CYLC2: variants seen among roughly 807,000 people sequenced by gnomAD.
CYLC2 encodes the protein cylicin-2.
In CYLC2, 30 loss-of-function variants were observed where a neutral mutation model predicts 26.1. The observed-to-expected ratio is 1.15, with a 90% CI of 0.86 to 1.56. CYLC2 has a LOEUF of 1.56. Ranked by LOEUF, CYLC2 falls within the 40% of genes most tolerant of loss-of-function variation. The probability of loss-of-function intolerance (pLI) is 0.00; values close to 1 mark genes in which losing one functional copy is unlikely to be tolerated. For synonymous variants in CYLC2, 158 were observed against 132.8 expected (o/e 1.19, Z -1.31); for missense variants, 498 against 394.4 (o/e 1.26, Z -2.23).
At chr9:103,000,638 GC>G (rs1829279187) in intron 1 of CYLC2, among the ~76,000 whole-genome samples, 1 of 151,936 alleles carries the variant, frequency 6.6e-6, no homozygotes, top group South Asian at 2.1e-4. Context: ...GAAAAAATGT[GC>G]CACGTTTTAT....
intron 1 of CYLC2, among the ~76,000 whole-genome samples, chr9:102,999,766 C>T (rs1286841258): frequency 6.6e-6 from 1 of 151,832 alleles, no homozygotes; most frequent in East Asian, 1.9e-4. Flanking sequence ...GGAATGATTG[C>T]ATTGGTTGAT....
rs1169334808 is a variant in CYLC2, at chr9:103,005,553, A to G, written c.922A>G (p.Thr308Ala). ...KDAKKVAKKD[T>A]EKESADSKKD... ...TGCCAAGAAAGTTGCCAAGAAAGAT[A>G]CTGAGAAAGAATCTGCTGATTCAAA... Residue 308 changes from threonine to alanine, a missense_variant, in exon 5 of 8, where the codon ACT becomes GCT. Transcript: ENST00000374798. The G allele has an allele frequency of 1.9e-6, 3 of 1,609,300 alleles. No individual in the cohort carries two copies. Among genetic ancestry groups the G allele is most frequent in the East Asian group, 4.5e-5 (2 of 44,820 alleles).
intron 1 of CYLC2, among the ~76,000 whole-genome samples, chr9:103,001,209 A>T (rs546059323): frequency 6.5e-4 from 99 of 151,876 alleles, no homozygotes; most frequent in Admixed American, 1.2e-3. Context: ...TGGAGCATGA[A>T]CTGGGAAAAA....
chr9:103,005,833 A>G lies in CYLC2; in HGVS notation c.*155A>G, dbSNP rs1829341541. The G allele has an allele frequency of 7.7e-6, 6 of 778,030 alleles. No individual in the cohort carries two copies. The East Asian group carries it at 1.0e-4, about 13-fold the overall frequency. 48.2% of individuals were successfully genotyped at this position (778,030 alleles called of 1,614,324 possible). On this transcript the variant is annotated 3_prime_UTR_variant, in exon 5 of 8. Coordinates refer to ENST00000374798, the MANE Select transcript of CYLC2 (RefSeq NM_001340.5). The stretch of plus-strand genomic sequence containing the variant: ...TAAAGAAGGATACAAAGGAGAACTC[A>G]GCAGAGATTTATAAAAATATATAAG...
chr9:103,005,776 C>T lies in CYLC2; in HGVS notation c.*98C>T, dbSNP rs1829341068. The T allele has an allele frequency of 7.8e-7, 1 of 1,273,946 alleles. No homozygotes were observed. Among genetic ancestry groups the T allele is most frequent in the African/African-American group, 1.5e-5 (1 of 66,552 alleles). The allele number at this position is 1,273,946 out of a possible 1,614,324, so 78.9% of individuals were successfully genotyped here. A position where few individuals can be genotyped will look rare whatever the true frequency, so the allele number is the denominator to read the frequency against. Reference sequence around the variant, plus strand: ...GCTGAATTTGTGAGAAAACAAGAGGCCTCAAAGAATTAAATAATTTTTAAA... The same window carrying T: ...GCTGAATTTGTGAGAAAACAAGAGGTCTCAAAGAATTAAATAATTTTTAAA... On this transcript the variant is annotated 3_prime_UTR_variant, in exon 5 of 8. Transcript: ENST00000374798.
intron 6 of CYLC2, among the ~76,000 whole-genome samples, chr9:103,013,820 A>T (rs1294169745): frequency 1.1e-5 from 1 of 95,208 alleles, no homozygotes; most frequent in Non-Finnish European, 2.0e-5. Context: ...TATGTATATA[A>T]TATGTATATA....
chr9:103,002,870 AG>A (rs1451443306), intron 2 of CYLC2, among the ~76,000 whole-genome samples: 2 of 152,200 alleles, frequency 1.3e-5, no homozygotes, highest in Non-Finnish European at 2.9e-5. Flanking sequence ...AAAAGGAAGC[AG>A]TAAAACTGAG....
chr9:103,012,565 A>G (rs1411609133), intron 6 of CYLC2, among the ~76,000 whole-genome samples: 2 of 152,022 alleles, frequency 1.3e-5, no homozygotes, highest in Non-Finnish European at 2.9e-5. Flanking sequence ...GCCTAATCTG[A>G]GCCCTAATCC....
intron 5 of CYLC2, among the ~76,000 whole-genome samples, chr9:103,010,385 TTAC>T (rs1407313343): frequency 6.6e-6 from 1 of 152,144 alleles, no homozygotes; most frequent in Non-Finnish European, 1.5e-5. Context: ...TACTATTTAT[TTAC>T]TACTATTTGC....
At chr9:103,016,477 A>G (rs1829507765) in intron 6 of CYLC2, among the ~76,000 whole-genome samples, 1 of 152,070 alleles carries the variant, frequency 6.6e-6, no homozygotes, top group South Asian at 2.1e-4. Context: ...TGTCACATGC[A>G]TATGTGTGTC....
rs1829327843 is a variant in CYLC2, at chr9:103,005,114, C to CA, written c.489dup (p.Gly164ArgfsTer2). ...AAAAGCTAGATGCAAAGAAAGATAG[C>CA]AAAAAAGGTAAAAAGGATGCAGAGA... is the stretch of plus-strand genomic sequence containing the variant. On this transcript the variant is annotated frameshift_variant, in exon 5 of 8. Coordinates refer to ENST00000374798, the MANE Select transcript of CYLC2 (RefSeq NM_001340.5). LOFTEE classifies it high-confidence loss of function. 6.2e-7 allele frequency: 1 copy of CA among 1,605,150 alleles called. No individual in the cohort carries two copies. The highest frequency in any genetic ancestry group is 1.1e-5 in the South Asian group (1 of 90,218).
intron 5 of CYLC2, among the ~76,000 whole-genome samples, chr9:103,007,573 T>C (rs1829364892): frequency 6.6e-6 from 1 of 152,164 alleles, no homozygotes; most frequent in Non-Finnish European, 1.5e-5. Flanking sequence ...TTAAACTCTG[T>C]TGTGACCCAT....
chr9:103,013,318 AACCT>A (rs1215444651), intron 6 of CYLC2, among the ~76,000 whole-genome samples: 2 of 71,352 alleles, frequency 2.8e-5, no homozygotes, highest in East Asian at 4.2e-4. Context: ...ATGTTTATAT[AACCT>A]ATATATATTT....
chr9:103,016,537 C>T (rs915634485), intron 6 of CYLC2, among the ~76,000 whole-genome samples: 7 of 152,040 alleles, frequency 4.6e-5, no homozygotes, highest in African/African-American at 1.4e-4. Context: ...TTTACTACTA[C>T]TAGGGCATTT....
rs1251515077 is a variant in CYLC2, at chr9:102,999,244, T to G, written c.18-2334T>G. On this transcript the variant is annotated intron_variant, in intron 1 of 7. Transcript: ENST00000374798. ...TTTAATTAATTTTCCTAAATTTTTA[T>G]CTTCTAATTTTGCTGGTATATAGAA... Among the ~76,000 whole-genome samples, 3 of 152,022 alleles carry G rather than the reference T, an allele frequency of 2.0e-5. No individual in the cohort carries two copies. In the East Asian group the frequency reaches 5.8e-4, roughly 29 times the overall value.
At chr9:103,018,161 T>G (rs552741585) in intron 7 of CYLC2, among the ~76,000 whole-genome samples, 164 bp from the exon 8 acceptor site, 1 of 152,200 alleles carries the variant, frequency 6.6e-6, no homozygotes, top group East Asian at 1.9e-4. Flanking sequence ...TACTCATTTT[T>G]TGGTAGAAAC....
At chr9:103,013,442 G>A (rs1283149574) in intron 6 of CYLC2, among the ~76,000 whole-genome samples, 1 of 79,268 alleles carries the variant, frequency 1.3e-5, no homozygotes, top group Non-Finnish European at 2.1e-5. Context: ...ACATAATACA[G>A]AAATATATAT....
intron 7 of CYLC2, among the ~76,000 whole-genome samples, chr9:103,017,230 A>T (rs1829516566): frequency 6.6e-6 from 1 of 151,984 alleles, no homozygotes; most frequent in Non-Finnish European, 1.5e-5. Flanking sequence ...AAGAAAGCTT[A>T]AAAATGAAAA....
rs576871076 is a variant in CYLC2 at position 103,006,204 on chromosome 9, C to G, written c.*526C>G. 1 of 151,090 alleles carries G rather than the reference C, an allele frequency of 6.6e-6. No homozygotes were observed. The allele number at this position is 151,090 out of a possible 1,614,324, so 9.4% of individuals were successfully genotyped here. ...TGAAGTTAAACACCTTGTAGAAAGC[C>G]TACTTTCAAGTAAATATAGCATTCC... On this transcript the variant is annotated 3_prime_UTR_variant, in exon 5 of 8. Coordinates refer to ENST00000374798, the MANE Select transcript of CYLC2 (RefSeq NM_001340.5).
Sources: gnomAD v4.1 joint callset for allele counts (sites outside exome capture counted in the v4.1 genomes callset) on GRCh38, gnomAD v4.1.1 for gene constraint, MANE v1.5 for transcripts, NCBI Gene and HGNC (gene_info 2026-07-23, HGNC 2026-07-21) for gene names.